The following PACRGL variants were observed in gnomAD, a reference collection of about 807,000 sequenced individuals.
PACRGL encodes PACRG-like protein.
A neutral mutation model predicts 34.5 loss-of-function variants in PACRGL; 38 were observed. The observed-to-expected ratio is 1.10, with a 90% CI of 0.85 to 1.44. The LOEUF is 1.44. Among genes scored for constraint, PACRGL ranks in the 40% most tolerant of loss-of-function variants. The pLI, the probability that PACRGL is intolerant of heterozygous loss-of-function variation, is 0.00. For missense variants in PACRGL, 305 were observed against 281.4 expected, an observed-to-expected ratio of 1.08 and a Z score of -0.60; for synonymous variants, 128 against 100.1, an observed-to-expected ratio of 1.28 and a Z score of -1.66.
the PACRGL span, chr4:20,766,837 T>G: frequency 1.3e-5 from 2 of 152,174 alleles, no homozygotes; most frequent in Non-Finnish European, 2.9e-5. Context: ...ATTCTTGGGC[T>G]CTGGAGTTAA....
chr4:20,716,196 G>A (rs1739883108), intron 7 of PACRGL: 1 of 1,027,704 alleles, frequency 9.7e-7, no homozygotes, highest in Non-Finnish European at 1.5e-6. Flanking sequence ...AGCTGTTACT[G>A]GCTGTTATGG....
downstream of PACRGL, among the ~76,000 whole-genome samples, chr4:20,733,491 C>T (rs1427845695): frequency 2.0e-5 from 3 of 152,056 alleles, no homozygotes; most frequent in East Asian, 1.9e-4. Flanking sequence ...TAATACAGAG[C>T]GAATATATAT....
the PACRGL span, among the ~76,000 whole-genome samples, chr4:20,761,465 T>C: frequency 6.6e-6 from 1 of 152,194 alleles, no homozygotes; most frequent in Non-Finnish European, 1.5e-5. Flanking sequence ...CTAAACACTT[T>C]GCAGTTAGAC....
Position 20,704,553 on chromosome 4 carries a change from A to T in PACRGL, c.52+20A>T, listed in dbSNP as rs766751174. On this transcript the variant is annotated intron_variant, in intron 2 of 8. Coordinates refer to ENST00000503585, the MANE Select transcript of PACRGL (RefSeq NM_001258345.3). ...CAACAGGTACAGAGCTTTTGTTTTT[A>T]AGTGAAGAGGTCAAGTTTGTTCATG... 5 of 1,613,754 alleles carry T rather than the reference A, an allele frequency of 3.1e-6. No individual in the cohort carries two copies. The highest frequency in any genetic ancestry group is 4.2e-6 in the Non-Finnish European group (5 of 1,179,852).
chr4:20,714,427 A>C (rs1344019644), intron 7 of PACRGL, among the ~76,000 whole-genome samples: 1 of 152,170 alleles, frequency 6.6e-6, no homozygotes, highest in Non-Finnish European at 1.5e-5. Flanking sequence ...AATACAGCAC[A>C]CTGATGGGTC....
the PACRGL span, chr4:20,758,928 T>A: frequency 1.9e-6 from 3 of 1,552,358 alleles, no homozygotes; most frequent in East Asian, 6.8e-5. Flanking sequence ...GAGCAAAGTG[T>A]TCATAAAACT....
At chr4:20,758,730 A>G in the PACRGL span, 1 of 936,818 alleles carries the variant, frequency 1.1e-6, no homozygotes, top group East Asian at 2.4e-5. Flanking sequence ...ACGATTAAAA[A>G]TGTAGCATCA....
chr4:20,741,236 A>C (rs1038967751), intron 8 of PACRGL, among the ~76,000 whole-genome samples: 4 of 152,208 alleles, frequency 2.6e-5, no homozygotes, highest in Admixed American at 1.3e-4. Flanking sequence ...AGACATCTAC[A>C]GAACTCTCCA....
intron 1 of PACRGL, among the ~76,000 whole-genome samples, chr4:20,703,490 GTGTGTGTGTGTGTGTGTGTGTT>G (rs1224232135): frequency 7.0e-6 from 1 of 142,906 alleles, no homozygotes; most frequent in Non-Finnish European, 1.5e-5. Flanking sequence ...GTGTGTGTGT[GTGTGTGTGTGTGTGTGTGTGTT>G]TGTGTGTGTG....
intron 7 of PACRGL, among the ~76,000 whole-genome samples, chr4:20,722,117 T>A (rs893764687): frequency 6.6e-6 from 1 of 152,242 alleles, no homozygotes; most frequent in African/African-American, 2.4e-5. Flanking sequence ...CATGGGACTC[T>A]CTGAGCCAGG....
chr4:20,701,998 A>T (rs1019765440), intron 1 of PACRGL: 3 of 447,690 alleles, frequency 6.7e-6, no homozygotes, highest in African/African-American at 6.0e-5. Context: ...TTAATGCTGA[A>T]AATTATATAT....
downstream of PACRGL, chr4:20,734,590 G>C: frequency 1.1e-6 from 1 of 921,886 alleles, no homozygotes; most frequent in Non-Finnish European, 1.6e-6. Flanking sequence ...AAATGAAAAT[G>C]GTCCAAATTA....
chr4:20,710,397 G>A (rs1736619713), intron 5 of PACRGL, among the ~76,000 whole-genome samples: 1 of 152,132 alleles, frequency 6.6e-6, no homozygotes. Flanking sequence ...TTTATTCTTA[G>A]AGTTAGAAGT....
intron 4 of PACRGL, among the ~76,000 whole-genome samples, chr4:20,708,565 C>T (rs1735608665): frequency 6.6e-6 from 1 of 152,100 alleles, no homozygotes; most frequent in Non-Finnish European, 1.5e-5. Context: ...TATTTACATT[C>T]TGAATTGAAA....
intron 8 of PACRGL, among the ~76,000 whole-genome samples, chr4:20,743,582 A>C (rs1751693150): frequency 6.6e-6 from 1 of 152,198 alleles, no homozygotes; most frequent in African/African-American, 2.4e-5. Context: ...GAAAGCTGAA[A>C]CTGGATCCCT....
downstream of PACRGL, among the ~76,000 whole-genome samples, chr4:20,753,384 G>A (rs1753975503): frequency 2.0e-5 from 3 of 152,200 alleles, no homozygotes; most frequent in South Asian, 6.2e-4. Flanking sequence ...AACTACTCGA[G>A]GTTACATACC....
chr4:20,754,986 A>G (rs1331323935), downstream of PACRGL, among the ~76,000 whole-genome samples: 2 of 152,212 alleles, frequency 1.3e-5, no homozygotes, highest in Non-Finnish European at 2.9e-5. Context: ...TGGGTTTTAA[A>G]CAATTTAGAA....
At chr4:20,718,308 T>G (rs1741157883) in intron 7 of PACRGL, among the ~76,000 whole-genome samples, 1 of 152,300 alleles carries the variant, frequency 6.6e-6, no homozygotes, top group South Asian at 2.1e-4. Flanking sequence ...TTTTCGTAAT[T>G]GAATACCCTT....
intron 4 of PACRGL, among the ~76,000 whole-genome samples, chr4:20,708,320 ATAC>A (rs905306102): frequency 6.6e-6 from 1 of 152,102 alleles, no homozygotes; most frequent in Non-Finnish European, 1.5e-5. Context: ...TAAAAAAAAA[ATAC>A]TACAGATAAT....
Sources: gnomAD v4.1 joint callset for allele counts (sites outside exome capture counted in the v4.1 genomes callset) on GRCh38, gnomAD v4.1.1 for gene constraint, MANE v1.5 for transcripts, NCBI Gene and HGNC (gene_info 2026-07-23, HGNC 2026-07-21) for gene names.